DHRS7: variants seen among roughly 807,000 people sequenced by gnomAD.
DHRS7 encodes the protein dehydrogenase/reductase SDR family member 7.
DHRS7 carries 34 observed loss-of-function variants against 38.9 expected under a neutral mutation model. That is an observed-to-expected ratio of 0.87 (90% CI 0.66 to 1.16). The LOEUF (loss-of-function observed/expected upper bound fraction) is 1.16. Among genes scored for constraint, DHRS7 ranks in the 50% most tolerant of loss-of-function variants. The probability of loss-of-function intolerance (pLI) is 0.00; values close to 1 mark genes in which losing one functional copy is unlikely to be tolerated. For synonymous variants in DHRS7, 158 were observed against 153.1 expected, an observed-to-expected ratio of 1.03 and a Z score of -0.24; for missense variants, 421 against 407.0, an observed-to-expected ratio of 1.03 and a Z score of -0.30.
intron 2 of DHRS7, 85 bp downstream of exon 2, chr14:60,155,915 C>T (rs1195968199): frequency 1.5e-6 from 2 of 1,297,508 alleles, no homozygotes; most frequent in Non-Finnish European, 2.0e-6. Flanking sequence ...GGAAATCTCA[C>T]TCCTCTCTAA....
At position 60,148,007 on chromosome 14, in the gene DHRS7, G is replaced by A. The variant is rs1427443675; in HGVS notation, c.972+1346C>T. 6.6e-6 allele frequency: 1 copy of A among 152,168 alleles called. No individual in the cohort carries two copies. Among genetic ancestry groups the A allele is most frequent in the Non-Finnish European group, 1.5e-5 (1 of 68,038 alleles). 9.4% of individuals were successfully genotyped at this position (152,168 alleles called of 1,614,324 possible). A position where few individuals can be genotyped will look rare whatever the true frequency, so the allele number is the denominator to read the frequency against. On this transcript the variant is annotated intron_variant, in intron 6 of 6. Coordinates refer to ENST00000557185, the MANE Select transcript of DHRS7 (RefSeq NM_016029.4). This position sits in a 1 kb window ranked among gnomAD's most constrained non-coding sequence, Gnocchi z 4.8. ...CCCAACAATACCAAAACACTCATAA[G>A]GGATCTGGCCCAAAGCAAACTGTTC...
intron 4 of DHRS7, 153 bp downstream of exon 4, chr14:60,152,786 C>A: frequency 1.4e-6 from 1 of 713,344 alleles, no homozygotes; most frequent in South Asian, 1.9e-5. Flanking sequence ...TCTTTTTTAG[C>A]ATCTACTGGG....
At chr14:60,149,678 T>C in intron 5 of DHRS7, 110 bp from the exon 6 acceptor site, 2 of 781,746 alleles carry the variant, frequency 2.6e-6, no homozygotes, top group South Asian at 3.6e-5. Flanking sequence ...TGGAGCTTCA[T>C]GCCCCTTAGG....
chr14:60,147,613 C>T (rs1896441819), intron 6 of DHRS7: 2 of 152,312 alleles, frequency 1.3e-5, no homozygotes, highest in South Asian at 4.1e-4. Flanking sequence ...ACACTTAGAA[C>T]ACTCCAAGTT....
At chr14:60,165,479 G>A (rs189474475), upstream of DHRS7, 1,755 of 1,340,448 alleles carry the variant, frequency 1.3e-3, 13 homozygotes, top group African/African-American at 0.024. This position sits in a 1 kb window ranked among gnomAD's most constrained non-coding sequence, Gnocchi z 4.6. Flanking sequence ...GCCGGGCTCA[G>A]CACTCGCGGC....
chr14:60,168,232 T>C (rs1896890541), upstream of DHRS7, among the ~76,000 whole-genome samples: 1 of 152,242 alleles, frequency 6.6e-6, no homozygotes, highest in South Asian at 2.1e-4. Context: ...ATATTTTGTT[T>C]AGATTAGCCA....
upstream of DHRS7, among the ~76,000 whole-genome samples, chr14:60,165,950 AACCTG>A (rs1896861823): frequency 6.6e-6 from 1 of 152,316 alleles, no homozygotes; most frequent in East Asian, 1.9e-4. The surrounding 1 kb of genome is among the most constrained non-coding windows in gnomAD (Gnocchi z 4.6). Flanking sequence ...GGCACCTTAC[AACCTG>A]ATTCTGACCA....
upstream of DHRS7, among the ~76,000 whole-genome samples, chr14:60,167,998 C>T (rs1263008226): frequency 6.6e-6 from 1 of 152,208 alleles, no homozygotes; most frequent in Non-Finnish European, 1.5e-5. Context: ...AGCAGCCTCC[C>T]TCCACAAGCT....
chr14:60,151,537 A>C (rs1254044), intron 4 of DHRS7, among the ~76,000 whole-genome samples: 32,799 of 135,668 alleles, frequency 0.24, 4,301 homozygotes, highest in African/African-American at 0.43. Context: ...AGATGAACCC[A>C]AAAAAAAAAA....
At chr14:60,149,135 G>A in intron 6 of DHRS7, 2 of 532,762 alleles carry the variant, frequency 3.8e-6, no homozygotes, top group Non-Finnish European at 6.8e-6. Context: ...ACCATGCCCA[G>A]CTACTTTTTG....
In DHRS7 at chr14:60,148,065, CTTTTTGATTTTTCACACTCTGGACA is replaced by C. The variant is rs1202442419; in HGVS notation, c.972+1263_972+1287del. 2 of 152,186 alleles carry C rather than the reference CTTTTTGATTTTTCACACTCTGGACA, an allele frequency of 1.3e-5. No individual in the cohort carries two copies. The highest frequency in any genetic ancestry group is 2.9e-5 in the Non-Finnish European group (2 of 68,042). The allele number at this position is 152,186 out of a possible 1,614,324, so 9.4% of individuals were successfully genotyped here. ...CTACTTGGTAGAAAACGAAAAGCTC[CTTTTTGATTTTTCACACTCTGGACA>C]TTTTAGTGTGTCATGACCCAGTCTG... On this transcript the variant is annotated intron_variant, in intron 6 of 6. Coordinates refer to ENST00000557185, the MANE Select transcript of DHRS7 (RefSeq NM_016029.4). The surrounding 1 kb of genome is among the most constrained non-coding windows in gnomAD (Gnocchi z 4.8).
chr14:60,145,222 C>T lies in DHRS7; in HGVS notation c.973-209G>A. 2.4e-6 allele frequency: 1 copy of T among 409,660 alleles called. No individual in the cohort carries two copies. 25.4% of individuals were successfully genotyped at this position (409,660 alleles called of 1,614,324 possible). ...AAAGTACTTCTAATGAGTTTAGCAT[C>T]ATCTCTGGTTTAGAGGAGGTATAAA... On this transcript the variant is annotated intron_variant, in intron 6 of 6. Coordinates refer to ENST00000557185, the MANE Select transcript of DHRS7 (RefSeq NM_016029.4). This position sits in a 1 kb window ranked among gnomAD's most constrained non-coding sequence, Gnocchi z 4.0.
In DHRS7 at chr14:60,161,426, GAAGAA is replaced by G. The variant is rs978046070; in HGVS notation, c.133+3746_133+3750del. Among the ~76,000 whole-genome samples, 8 of 152,062 alleles carry G rather than the reference GAAGAA, an allele frequency of 5.3e-5. No individual in the cohort carries two copies. The highest frequency in any genetic ancestry group is 9.7e-5 in the African/African-American group (4 of 41,412). The stretch of plus-strand genomic sequence containing the variant: ...CTTGTTTTACAAAAAGCTGTTTCAG[GAAGAA>G]AAGAAAAGAAATGAAACCTGTCTTC... On this transcript the variant is annotated intron_variant, in intron 1 of 6. Coordinates refer to ENST00000557185, the MANE Select transcript of DHRS7 (RefSeq NM_016029.4). The surrounding 1 kb of genome is among the most constrained non-coding windows in gnomAD (Gnocchi z 4.2).
intron 4 of DHRS7, among the ~76,000 whole-genome samples, chr14:60,151,551 A>G (rs1163720703): frequency 6.6e-6 from 1 of 151,676 alleles, no homozygotes; most frequent in African/African-American, 2.4e-5. Context: ...AAAAAAAAAA[A>G]GCTTGCTAAT....
chr14:60,163,761 A>C (rs1896809523), intron 1 of DHRS7, among the ~76,000 whole-genome samples: 2 of 152,212 alleles, frequency 1.3e-5, no homozygotes, highest in Non-Finnish European at 2.9e-5. Context: ...TGATGGGTTG[A>C]ATATTTTTTG....
chr14:60,152,398 T>C (rs1482598156), intron 4 of DHRS7, among the ~76,000 whole-genome samples: 1 of 152,224 alleles, frequency 6.6e-6, no homozygotes, highest in Non-Finnish European at 1.5e-5. Context: ...GTCAAGATTT[T>C]TCCCAGTAAG....
Position 60,146,745 on chromosome 14 carries a change from A to G in DHRS7, c.973-1732T>C, listed in dbSNP as rs535587854. 1.3e-5 allele frequency: 2 copies of G among 152,302 alleles called. No individual in the cohort carries two copies. Among genetic ancestry groups the G allele is most frequent in the Admixed American group, 6.5e-5 (1 of 15,296 alleles). 9.4% of individuals were successfully genotyped at this position (152,302 alleles called of 1,614,324 possible). A position where few individuals can be genotyped will look rare whatever the true frequency, so the allele number is the denominator to read the frequency against. Reference sequence around the variant, plus strand: ...TGGAATATTTTTCAGCCATAAAACAATGGAACTCCTGGCATTTGTGAAAAC... The same window carrying G: ...TGGAATATTTTTCAGCCATAAAACAGTGGAACTCCTGGCATTTGTGAAAAC... On this transcript the variant is annotated intron_variant, in intron 6 of 6. Transcript: ENST00000557185. This position sits in a 1 kb window ranked among gnomAD's most constrained non-coding sequence, Gnocchi z 4.9.
At chr14:60,169,301 A>T (rs1896905715), upstream of DHRS7, among the ~76,000 whole-genome samples, 1 of 152,146 alleles carries the variant, frequency 6.6e-6, no homozygotes, top group African/African-American at 2.4e-5. Flanking sequence ...AATCCCCCAG[A>T]TGGATCCAAC....
intron 1 of DHRS7, among the ~76,000 whole-genome samples, chr14:60,157,344 A>G (rs1228668581): frequency 1.3e-5 from 2 of 152,360 alleles, no homozygotes; most frequent in East Asian, 1.9e-4. Context: ...GAAAGCACTC[A>G]GGGCAGTATC....
Sources: gnomAD v4.1 joint callset for allele counts (sites outside exome capture counted in the v4.1 genomes callset) on GRCh38, gnomAD v4.1.1 for gene constraint, Gnocchi (gnomAD v3.1) non-coding constraint, MANE v1.5 for transcripts, NCBI Gene and HGNC (gene_info 2026-07-23, HGNC 2026-07-21) for gene names.